COL12A1: variants seen among roughly 807,000 people sequenced by gnomAD.
COL12A1 encodes collagen alpha-1(XII) chain.
COL12A1 carries 114 observed loss-of-function variants against 349.7 expected under a neutral mutation model. The ratio of observed to expected loss-of-function variants is 0.33; its 90% CI spans 0.28 to 0.38. The LOEUF (loss-of-function observed/expected upper bound fraction) is 0.38. Among genes scored for constraint, COL12A1 ranks in the 10% least tolerant of loss-of-function variants. The probability of loss-of-function intolerance (pLI) is 1.00; values close to 1 mark genes in which losing one functional copy is unlikely to be tolerated. For synonymous variants in COL12A1, 1,369 were observed against 1,329.0 expected (o/e 1.03, Z -0.66); for missense variants, 3,284 against 3,756.9 (o/e 0.87, Z 3.29).
intron 11 of COL12A1, among the ~76,000 whole-genome samples, chr6:75,180,336 G>A (rs912959720): frequency 6.6e-6 from 1 of 152,114 alleles, no homozygotes; most frequent in Non-Finnish European, 1.5e-5. Context: ...TAGAATGGTG[G>A]TTTCCAGGAG....
rs143864808 is a variant in COL12A1, at chr6:75,165,873, T to C, written c.2711-94A>G. ...GATCCTGGTAGAGATTCTGACTTGC[T>C]GGACTCACACTCAATTTGTCTAAAA... On this transcript the variant is annotated intron_variant, in intron 13 of 65. Coordinates refer to ENST00000322507, the MANE Select transcript of COL12A1 (RefSeq NM_004370.6). The C allele has an allele frequency of 7.1e-5, 88 of 1,244,764 alleles. No individual in the cohort carries two copies. The East Asian group carries it at 1.8e-3, about 26-fold the overall frequency. The allele number at this position is 1,244,764 out of a possible 1,614,324, so 77.1% of individuals were successfully genotyped here. A position where few individuals can be genotyped will look rare whatever the true frequency, so the allele number is the denominator to read the frequency against.
At chr6:75,114,131 T>C (rs1768967045) in intron 49 of COL12A1, among the ~76,000 whole-genome samples, 2 of 151,882 alleles carry the variant, frequency 1.3e-5, no homozygotes, top group Admixed American at 6.6e-5. Context: ...ATTATGACTA[T>C]GGGTATCATT....
chr6:75,132,400 A>G (rs1478126943), intron 34 of COL12A1, among the ~76,000 whole-genome samples: 2 of 152,204 alleles, frequency 1.3e-5, no homozygotes, highest in African/African-American at 4.8e-5. Context: ...GTTTTCTAAC[A>G]TAAGTAATGG....
intron 53 of COL12A1, among the ~76,000 whole-genome samples, 175 bp downstream of exon 53, chr6:75,106,243 AG>A (rs1768538295): frequency 6.6e-6 from 1 of 152,178 alleles, no homozygotes; most frequent in Non-Finnish European, 1.5e-5. Context: ...CTTGTGAGGG[AG>A]GGATCACACA....
chr6:75,199,954 C>T (rs140864603), intron 2 of COL12A1, among the ~76,000 whole-genome samples: 11 of 152,024 alleles, frequency 7.2e-5, no homozygotes, highest in African/African-American at 2.7e-4. Flanking sequence ...ATATATAAAA[C>T]ATTAAGGTCA....
chr6:75,201,660 AC>A (rs1390814980), intron 2 of COL12A1, among the ~76,000 whole-genome samples: 1 of 151,872 alleles, frequency 6.6e-6, no homozygotes, highest in African/African-American at 2.4e-5. Context: ...TCATGACATT[AC>A]CCCATTTTCT....
intron 51 of COL12A1, 59 bp from the exon 52 acceptor site, chr6:75,109,226 T>C (rs1480992592): frequency 3.2e-6 from 4 of 1,241,490 alleles, no homozygotes; most frequent in Middle Eastern, 2.8e-4. Context: ...TAGCTGACTC[T>C]GCATAGTTTA....
intron 46 of COL12A1, 175 bp from the exon 47 acceptor site, chr6:75,117,721 T>C: frequency 1.8e-6 from 1 of 570,986 alleles, no homozygotes; most frequent in Non-Finnish European, 3.0e-6. Context: ...CAGGTCTTTC[T>C]ATTTTCTGGT....
chr6:75,176,451 G>A (rs966591466), intron 12 of COL12A1, among the ~76,000 whole-genome samples: 7 of 151,410 alleles, frequency 4.6e-5, no homozygotes, highest in African/African-American at 7.3e-5. Flanking sequence ...GGAGGGCAGT[G>A]GGCGGTGGGA....
At position 75,105,243 on chromosome 6, in the gene COL12A1, T is replaced by G; in HGVS notation, c.8228A>C (p.Gln2743Pro). The G allele has an allele frequency of 6.2e-7, 1 of 1,613,858 alleles. No homozygotes were observed. The highest frequency in any genetic ancestry group is 2.2e-5 in the East Asian group (1 of 44,868). The change falls in exon 54 of 66, where the codon CAG becomes CCG. Residue 2743 changes from glutamine (Q) to proline (P), a missense_variant. By Grantham distance (76) the Gln-to-Pro change is moderately conservative. This residue lies in a region of COL12A1 where 683 missense variants were observed against 932.1 expected (regional missense o/e 0.73). Coordinates refer to ENST00000322507, the MANE Select transcript of COL12A1 (RefSeq NM_004370.6). ...AGGTCCTGGAGGTCCAACGCTGTCC[T>G]GTGTACATGTGCAAGAATTTGGAAA... Reference protein sequence around the residue: ...PAFPNSCTCTQDSVGPPGPPG... With the variant: ...PAFPNSCTCTPDSVGPPGPPG...
Position 75,102,642 on chromosome 6 carries a change from A to G in COL12A1, c.8370T>C (p.Pro2790=), listed in dbSNP as rs553998601. The change falls in exon 56 of 66, where the codon CCT becomes CCC. Residue 2790 remains proline, a synonymous_variant. Transcript: ENST00000322507. ...GTCCATTGGGTCCCTGAGGGCCTGG[A>G]GGACCCTGGGGGCCTGGAGGACCTA... is the stretch of plus-strand genomic sequence containing the variant. The part of the protein sequence containing the change: ...GDIGPPGPQG[P]PGPQGPNGLS... The G allele has an allele frequency of 5.7e-6, 9 of 1,574,842 alleles. No individual in the cohort carries two copies. The highest frequency in any genetic ancestry group is 6.9e-6 in the Non-Finnish European group (8 of 1,161,414).
At chr6:75,154,795 C>G (rs1767670194) in intron 16 of COL12A1, among the ~76,000 whole-genome samples, 1 of 152,150 alleles carries the variant, frequency 6.6e-6, no homozygotes, top group Non-Finnish European at 1.5e-5. Flanking sequence ...TTCTGTCTTG[C>G]CTTTCTAGCA....
chr6:75,092,542 C>A (rs1043381852), intron 60 of COL12A1, among the ~76,000 whole-genome samples: 2 of 152,120 alleles, frequency 1.3e-5, no homozygotes, highest in Non-Finnish European at 2.9e-5. Context: ...TTCCAGGCTG[C>A]CAACTGCTAT....
At chr6:75,137,683 T>C in intron 30 of COL12A1, 104 bp from the exon 31 acceptor site, 5 of 1,242,738 alleles carry the variant, frequency 4.0e-6, no homozygotes, top group Non-Finnish European at 4.5e-6. Flanking sequence ...GCCTCTGGGT[T>C]TATAATTAAA....
In COL12A1 at chr6:75,146,110, G is replaced by A; in HGVS notation, c.4552C>T (p.Pro1518Ser). 1 of 1,598,182 alleles carries A rather than the reference G, an allele frequency of 6.3e-7. No homozygotes were observed. Among genetic ancestry groups the A allele is most frequent in the East Asian group, 2.2e-5 (1 of 44,648 alleles). ...AAACAAACATCTTTCACCTCTTTGG[G>A]TCTTGTTGGCTCTGTGTCCTTAACA... ...KPVKDTEPTR[P>S]KEVRLGPTVN... Residue 1518 changes from proline (P) to serine (S), a missense_variant, in exon 24 of 66, where the codon CCC becomes TCC. Around this residue, in one of 2 missense-constraint regions of COL12A1, gnomAD observed 2,601 missense variants for 2,824.8 expected, o/e 0.92. Transcript: ENST00000322507.
chr6:75,198,480 T>C (rs575036008), intron 2 of COL12A1, among the ~76,000 whole-genome samples: 1 of 151,360 alleles, frequency 6.6e-6, no homozygotes, highest in South Asian at 2.1e-4. Context: ...ACATATGTAA[T>C]ATTGTTATTA....
Position 75,175,217 on chromosome 6 carries a change from T to A in COL12A1, c.2531A>T (p.Tyr844Phe). The change falls in exon 13 of 66, where the codon TAT becomes TTT. Residue 844 changes from tyrosine (Y) to phenylalanine (F), a missense_variant. Tyr to Phe is a conservative substitution (Grantham distance 22). Transcript: ENST00000322507. ...WSGAPGKVKQ[Y>F]LVTYTPVAGG... ...TGCCACTGGGGTATATGTGACGAGA[T>A]ACTGTTTCACTTTTCCTGGTGCCCC... is the stretch of plus-strand genomic sequence containing the variant. The A allele has an allele frequency of 6.2e-7, 1 of 1,614,212 alleles. No homozygotes were observed. Among genetic ancestry groups the A allele is most frequent in the Non-Finnish European group, 8.5e-7 (1 of 1,180,022 alleles).
chr6:75,143,411 A>G, intron 25 of COL12A1, 23 bp from the exon 26 acceptor site: 1 of 1,608,186 alleles, frequency 6.2e-7, no homozygotes. Flanking sequence ...GAGATATTAA[A>G]TCCAGATGTG....
intron 2 of COL12A1, among the ~76,000 whole-genome samples, chr6:75,195,802 A>G (rs1179748855): frequency 1.3e-5 from 2 of 152,168 alleles, no homozygotes; most frequent in Non-Finnish European, 1.5e-5. Flanking sequence ...ATGGTCCTTT[A>G]CAAAACAATG....
Sources: allele counts gnomAD v4.1 joint callset (sites outside exome capture counted in the v4.1 genomes callset), GRCh38; gene constraint gnomAD v4.1.1; regional missense constraint gnomAD v4.1.1; transcripts MANE v1.5; gene names NCBI Gene and HGNC (gene_info 2026-07-23, HGNC 2026-07-21).